RBMS3: variants seen among roughly 807,000 people sequenced by gnomAD.
RBMS3 encodes the protein RNA binding motif single stranded interacting protein 3, also known as RNA-binding motif, single-stranded-interacting protein 3.
Under a neutral mutation model 66.8 loss-of-function variants are expected in RBMS3, and 27 were observed. The observed-to-expected ratio is 0.40, with a 90% CI of 0.30 to 0.56. The LOEUF (loss-of-function observed/expected upper bound fraction) is 0.56, where lower values mean the gene tolerates loss of function less well. RBMS3 is among the 20% of genes least tolerant of loss of function. The pLI, the probability that RBMS3 is intolerant of heterozygous loss-of-function variation, is 0.40. For missense variants in RBMS3, 513 were observed against 549.5 expected (o/e 0.93, Z 0.66); for synonymous variants, 188 against 183.0 (o/e 1.03, Z -0.22).
intron 1 of RBMS3, among the ~76,000 whole-genome samples, chr3:29,285,906 A>G (rs1215528897): frequency 8.6e-5 from 13 of 151,982 alleles, no homozygotes; most frequent in Admixed American, 8.5e-4. Context: ...ACCCTGTAAC[A>G]CCCTCCTTAC....
At chr3:29,562,633 A>G (rs1378273245) in intron 3 of RBMS3, among the ~76,000 whole-genome samples, 1 of 152,184 alleles carries the variant, frequency 6.6e-6, no homozygotes, top group Non-Finnish European at 1.5e-5. Context: ...TTGGTTATCA[A>G]GTTCCAAATA....
At chr3:29,981,490 G>A (rs928986004) in intron 12 of RBMS3, among the ~76,000 whole-genome samples, 2 of 152,152 alleles carry the variant, frequency 1.3e-5, no homozygotes, top group South Asian at 4.1e-4. Flanking sequence ...GTGAGAGAGG[G>A]CATCCTTGTC....
At chr3:29,632,251 A>G (rs2049310183) in intron 4 of RBMS3, among the ~76,000 whole-genome samples, 1 of 151,902 alleles carries the variant, frequency 6.6e-6, no homozygotes, top group Admixed American at 6.6e-5. Flanking sequence ...TCAATCATTT[A>G]AATACCCAGT....
In RBMS3 at chr3:29,444,788, C is replaced by CTTTTTTTTTTTTTTTTTTTTTTTTTTT. The variant is rs558839351; in HGVS notation, c.248+9897_248+9898insTTTTTTTTTTTTTTTTTTTTTTTTTTT. On this transcript the variant is annotated intron_variant, in intron 2 of 14. Transcript: ENST00000383767. The stretch of plus-strand genomic sequence containing the variant: ...AATTCTTTCAAGCGGAAATATATGC[C>CTTTTTTTTTTTTTTTTTTTTTTTTTTT]TTTTTTTTTTTTTTTTTTTTTTTTG... 1.3e-3 allele frequency among the ~76,000 whole-genome samples: 68 copies of CTTTTTTTTTTTTTTTTTTTTTTTTTTT among 50,492 alleles called. 12 individuals carry two copies. Among genetic ancestry groups the CTTTTTTTTTTTTTTTTTTTTTTTTTTT allele is most frequent in the East Asian group, 1.9e-3 (2 of 1,076 alleles). 33.1% of individuals were successfully genotyped at this position (50,492 alleles called of 152,430 possible).
chr3:29,722,451 C>T (rs2053681466), intron 4 of RBMS3, among the ~76,000 whole-genome samples: 1 of 152,040 alleles, frequency 6.6e-6, no homozygotes, highest in African/African-American at 2.4e-5. Context: ...GTGGAATAAT[C>T]AACATCAGGA....
chr3:29,988,101 G>A (rs1037350148), intron 12 of RBMS3, 42 bp from the exon 13 acceptor site: 1 of 1,478,004 alleles, frequency 6.8e-7, no homozygotes, highest in East Asian at 2.3e-5. Flanking sequence ...CTCACTGGTT[G>A]CAGCTCAAAG....
chr3:29,362,692 T>A (rs75969482), intron 1 of RBMS3, among the ~76,000 whole-genome samples: 3,286 of 152,320 alleles, frequency 0.022, 119 homozygotes, highest in African/African-American at 0.074. Flanking sequence ...ACCTAAATGA[T>A]TTCTTCCAAA....
chr3:29,691,371 C>T (rs1440512), intron 4 of RBMS3, among the ~76,000 whole-genome samples: 87,850 of 151,960 alleles, frequency 0.58, 25,560 homozygotes, highest in African/African-American at 0.63. Context: ...AATAACTTTC[C>T]TTCATGGTAA....
chr3:29,526,567 A>G (rs1369737563), intron 3 of RBMS3, among the ~76,000 whole-genome samples: 21 of 124,716 alleles, frequency 1.7e-4, no homozygotes, highest in African/African-American at 6.3e-4. Context: ...AAAAAAAAAA[A>G]GTTTGAGAAG....
intron 12 of RBMS3, among the ~76,000 whole-genome samples, chr3:29,983,806 G>A (rs1262528786): frequency 6.6e-6 from 1 of 152,106 alleles, no homozygotes; most frequent in East Asian, 1.9e-4. Context: ...GCTTCCCTTT[G>A]TGGATAACAT....
chr3:29,976,611 T>A (rs1697602886), intron 12 of RBMS3, among the ~76,000 whole-genome samples: 1 of 151,996 alleles, frequency 6.6e-6, no homozygotes, highest in African/African-American at 2.4e-5. Context: ...GTAGGGACAC[T>A]CGACGCTCAA....
At chr3:29,388,852 C>G (rs1190199403) in intron 1 of RBMS3, among the ~76,000 whole-genome samples, 4 of 152,172 alleles carry the variant, frequency 2.6e-5, no homozygotes, top group Non-Finnish European at 5.9e-5. Context: ...GCGTGAGTCA[C>G]TGCGCCTGGC....
At chr3:29,341,556 G>T (rs1559501509) in intron 1 of RBMS3, among the ~76,000 whole-genome samples, 1 of 151,826 alleles carries the variant, frequency 6.6e-6, no homozygotes, top group Non-Finnish European at 1.5e-5. Context: ...GACCAGCAAG[G>T]TTATTAAAGC....
chr3:29,290,604 G>C (rs2032733211), intron 1 of RBMS3: 1 of 151,760 alleles, frequency 6.6e-6, no homozygotes, highest in Admixed American at 6.6e-5. Flanking sequence ...ATCCTGGAAA[G>C]GATAAAATTC....
intron 1 of RBMS3, among the ~76,000 whole-genome samples, chr3:29,413,502 A>C (rs2125688941): frequency 6.6e-6 from 1 of 152,326 alleles, no homozygotes; most frequent in African/African-American, 2.4e-5. Flanking sequence ...GTGTATGTAT[A>C]TACTAATAAG....
chr3:29,446,231 A>G (rs966266743), intron 2 of RBMS3, among the ~76,000 whole-genome samples: 1 of 152,156 alleles, frequency 6.6e-6, no homozygotes, highest in Non-Finnish European at 1.5e-5. Context: ...TCTGGGCTTA[A>G]TAGTTCCAGG....
chr3:29,920,633 C>A (rs911706275), intron 10 of RBMS3, among the ~76,000 whole-genome samples: 1 of 151,886 alleles, frequency 6.6e-6, no homozygotes, highest in Non-Finnish European at 1.5e-5. Flanking sequence ...CAACTAATTT[C>A]CTGATTCGTT....
chr3:29,369,144 G>C (rs2038057775), intron 1 of RBMS3, among the ~76,000 whole-genome samples: 1 of 151,916 alleles, frequency 6.6e-6, no homozygotes, highest in Admixed American at 6.6e-5. Context: ...GGGAACAGCC[G>C]GCACCGGGGC....
intron 7 of RBMS3, among the ~76,000 whole-genome samples, chr3:29,874,638 C>T (rs115972320): frequency 3.2e-4 from 48 of 152,220 alleles, no homozygotes; most frequent in African/African-American, 1.1e-3. Flanking sequence ...AGTTGGTTTT[C>T]GTAATTAGCA....
Sources: allele counts gnomAD v4.1 joint callset (sites outside exome capture counted in the v4.1 genomes callset), GRCh38; gene constraint gnomAD v4.1.1; transcripts MANE v1.5; gene names NCBI Gene and HGNC (gene_info 2026-07-23, HGNC 2026-07-21).